Variants in PCDH7 observed in about 807,000 individuals in gnomAD.
PCDH7 encodes protocadherin 7.
PCDH7 carries 17 observed loss-of-function variants against 58.9 expected under a neutral mutation model. The ratio of observed to expected loss-of-function variants is 0.29; its 90% CI spans 0.20 to 0.43. The LOEUF (loss-of-function observed/expected upper bound fraction) is 0.43, where lower values mean the gene tolerates loss of function less well. Among genes scored for constraint, PCDH7 ranks in the 20% least tolerant of loss-of-function variants. The pLI, the probability that PCDH7 is intolerant of heterozygous loss-of-function variation, is 1.00. For missense variants in PCDH7, 1,274 were observed against 1,441.0 expected (o/e 0.88, Z 1.88); for synonymous variants, 664 against 616.4 (o/e 1.08, Z -1.14).
intron 3 of PCDH7, among the ~76,000 whole-genome samples, chr4:31,091,221 C>A (rs1713206658): frequency 2.0e-5 from 3 of 151,798 alleles, no homozygotes; most frequent in South Asian, 4.2e-4. Context: ...TAGATGCATC[C>A]AAACCTATTA....
At chr4:30,848,065 T>A (rs1020086516) in intron 1 of PCDH7, among the ~76,000 whole-genome samples, 1 of 152,172 alleles carries the variant, frequency 6.6e-6, no homozygotes, top group African/African-American at 2.4e-5. Context: ...ATTGGATTAT[T>A]TATGTAAATG....
At chr4:30,962,027 G>C (rs531797583) in intron 3 of PCDH7, among the ~76,000 whole-genome samples, 8 of 151,894 alleles carry the variant, frequency 5.3e-5, no homozygotes, top group South Asian at 2.1e-4. Flanking sequence ...CCTTTCCTTA[G>C]TCAACACTTA....
At chr4:30,947,050 C>T (rs940303400) in intron 2 of PCDH7, among the ~76,000 whole-genome samples, 2 of 152,184 alleles carry the variant, frequency 1.3e-5, no homozygotes, top group Admixed American at 6.5e-5. Context: ...AGAACTCATT[C>T]CTTGAGGACA....
At chr4:31,063,425 G>C (rs191868377) in intron 3 of PCDH7, among the ~76,000 whole-genome samples, 1 of 151,766 alleles carries the variant, frequency 6.6e-6, no homozygotes, top group African/African-American at 2.4e-5. Context: ...CAAGGGTTGA[G>C]CATGCTATCA....
At chr4:30,938,197 GAC>G (rs1264720957) in intron 2 of PCDH7, among the ~76,000 whole-genome samples, 2 of 152,038 alleles carry the variant, frequency 1.3e-5, no homozygotes, top group Non-Finnish European at 2.9e-5. Flanking sequence ...TTATTGCTCA[GAC>G]ACACATTCTT....
At chr4:30,868,186 AC>A (rs1427861348) in intron 1 of PCDH7, among the ~76,000 whole-genome samples, 1 of 152,016 alleles carries the variant, frequency 6.6e-6, no homozygotes, top group African/African-American at 2.4e-5. Context: ...TTTTAAAGCT[AC>A]CCTTTCTGGC....
At chr4:30,962,029 C>T (rs1748482247) in intron 3 of PCDH7, among the ~76,000 whole-genome samples, 1 of 152,102 alleles carries the variant, frequency 6.6e-6, no homozygotes, top group African/African-American at 2.4e-5. Flanking sequence ...TTTCCTTAGT[C>T]AACACTTAAA....
chr4:31,054,264 C>T (rs1756974872), intron 3 of PCDH7, among the ~76,000 whole-genome samples: 1 of 152,196 alleles, frequency 6.6e-6, no homozygotes, highest in Admixed American at 6.5e-5. Flanking sequence ...CCACGTCCGG[C>T]CCTTGGAACA....
chr4:30,975,878 A>T (rs1750021564), intron 3 of PCDH7, among the ~76,000 whole-genome samples: 1 of 152,180 alleles, frequency 6.6e-6, no homozygotes, highest in Non-Finnish European at 1.5e-5. Flanking sequence ...TTGGTCTCTA[A>T]CCACAACCCT....
intron 3 of PCDH7, among the ~76,000 whole-genome samples, chr4:31,094,938 G>A (rs1004974815): frequency 6.6e-6 from 1 of 151,996 alleles, no homozygotes; most frequent in Non-Finnish European, 1.5e-5. Context: ...AAAAAGACAA[G>A]GTTCTTCGGT....
rs931974555 is a variant in PCDH7, at chr4:30,785,590, C to A, written c.70+60994C>A. 3.3e-5 allele frequency among the ~76,000 whole-genome samples: 5 copies of A among 152,082 alleles called. No individual in the cohort carries two copies. The East Asian group carries it at 7.7e-4, about 24-fold the overall frequency. ...TTATACAGCTAATATTGATAATATA[C>A]TGTCAGAGCATTTTAATGCATTTTC... On this transcript the variant is annotated intron_variant, in intron 1 of 3. Transcript: ENST00000509759.
In PCDH7 at chr4:30,722,661, G is replaced by T; in HGVS notation, c.1239G>T (p.Pro413=). 6.2e-7 allele frequency: 1 copy of T among 1,613,544 alleles called. No homozygotes were observed. The highest frequency in any genetic ancestry group is 8.5e-7 in the Non-Finnish European group (1 of 1,180,028). Residue 413 remains proline (P), a synonymous_variant, in exon 1 of 2, where the codon CCG becomes CCT. Transcript: ENST00000361762. The surrounding 1 kb of genome is among the most constrained non-coding windows in gnomAD (Gnocchi z 7.6). ...TCAAAGACGAGAACGACAACGTGCC[G>T]TCCATTGAAATCCGCAAGATTGGGC...
chr4:30,865,240 A>T (rs945252948), intron 1 of PCDH7, among the ~76,000 whole-genome samples: 1 of 152,092 alleles, frequency 6.6e-6, no homozygotes. Context: ...AGGACTTGGG[A>T]TGTTCCTAAG....
intron 1 of PCDH7, chr4:30,786,796 C>T (rs1723455057): frequency 2.1e-6 from 2 of 970,562 alleles, no homozygotes; most frequent in Non-Finnish European, 2.4e-6. Context: ...TGTATGTGCT[C>T]GTAAGTGAAA....
intron 3 of PCDH7, among the ~76,000 whole-genome samples, chr4:30,978,489 T>C (rs1750270754): frequency 6.6e-6 from 1 of 152,196 alleles, no homozygotes; most frequent in Non-Finnish European, 1.5e-5. Flanking sequence ...TATTTTTATA[T>C]TGAGAAGTGC....
chr4:30,783,139 C>T (rs780117365), intron 1 of PCDH7: 21 of 152,126 alleles, frequency 1.4e-4, no homozygotes, highest in Non-Finnish European at 2.6e-4. Context: ...TTCCTAAATC[C>T]CATGTTCACT....
At chr4:30,828,289 A>G (rs1350968413) in intron 1 of PCDH7, among the ~76,000 whole-genome samples, 1 of 152,124 alleles carries the variant, frequency 6.6e-6, no homozygotes, top group Non-Finnish European at 1.5e-5. Context: ...TCATGTGCAT[A>G]AGCTATAAAA....
chr4:30,726,432 A>G (rs1183050656), intron 1 of PCDH7, among the ~76,000 whole-genome samples: 2 of 152,026 alleles, frequency 1.3e-5, no homozygotes, highest in Admixed American at 6.6e-5. Context: ...TATTTTATGC[A>G]AACACTTCAT....
chr4:30,846,851 C>A (rs1274647811), intron 1 of PCDH7, among the ~76,000 whole-genome samples: 1 of 152,042 alleles, frequency 6.6e-6, no homozygotes, highest in African/African-American at 2.4e-5. Context: ...CAGCCAGGGG[C>A]AGTGGCTCAT....
Sources: gnomAD v4.1 joint callset for allele counts (sites outside exome capture counted in the v4.1 genomes callset) on GRCh38, gnomAD v4.1.1 for gene constraint, Gnocchi (gnomAD v3.1) non-coding constraint, MANE v1.5 for transcripts, NCBI Gene and HGNC (gene_info 2026-07-23, HGNC 2026-07-21) for gene names.